The following KLHL32 variants were observed in gnomAD, a reference collection of about 807,000 sequenced individuals.
KLHL32 encodes the protein kelch like family member 32.
Under a neutral mutation model 64.8 loss-of-function variants are expected in KLHL32, and 35 were observed. The observed-to-expected ratio is 0.54, with a 90% confidence interval of 0.41 to 0.72. KLHL32 has a LOEUF of 0.72. KLHL32 is among the 30% of genes least tolerant of loss of function. The pLI, the probability that KLHL32 is intolerant of heterozygous loss-of-function variation, is 0.00. For synonymous variants in KLHL32, 259 were observed against 281.0 expected, an observed-to-expected ratio of 0.92 and a Z score of 0.78; for missense variants, 589 against 768.5, an observed-to-expected ratio of 0.77 and a Z score of 2.76.
At chr6:96,961,204 T>G (rs1773842736) in intron 1 of KLHL32, among the ~76,000 whole-genome samples, 1 of 152,194 alleles carries the variant, frequency 6.6e-6, no homozygotes, top group South Asian at 2.1e-4. Context: ...TCAGCCACAT[T>G]ATATAGGGTT....
rs750242567 is a variant in KLHL32 at position 97,055,796 on chromosome 6, T to TAAAAAAAA, written c.313-8813_313-8806dup. On this transcript the variant is annotated intron_variant, in intron 4 of 10. Coordinates refer to ENST00000369261, the MANE Select transcript of KLHL32 (RefSeq NM_052904.4). ...CGAGGTAACAGACTGAGAACCTGTC[T>TAAAAAAAA]AAAAAAAAAAAAAAAAAAAAAAAAA... Among the ~76,000 whole-genome samples the TAAAAAAAA allele has an allele frequency of 3.0e-3, 241 of 81,000 alleles. 43 individuals are homozygous for TAAAAAAAA. The highest frequency in any genetic ancestry group is 4.4e-3 in the African/African-American group (113 of 25,728). The allele number at this position is 81,000 out of a possible 152,430, so 53.1% of individuals were successfully genotyped here. A position where few individuals can be genotyped will look rare whatever the true frequency, so the allele number is the denominator to read the frequency against.
intron 7 of KLHL32, among the ~76,000 whole-genome samples, chr6:97,121,620 G>C (rs748966147): frequency 1.3e-5 from 2 of 152,022 alleles, no homozygotes; most frequent in African/African-American, 4.8e-5. Flanking sequence ...TTTAAAATTG[G>C]TGTTGTAAAG....
chr6:97,036,983 C>T (rs866610809), intron 3 of KLHL32, among the ~76,000 whole-genome samples: 1 of 152,116 alleles, frequency 6.6e-6, no homozygotes, highest in African/African-American at 2.4e-5. Context: ...TGTGGAACAT[C>T]CTCAGTTCTA....
chr6:96,907,357 A>G, the KLHL32 span, among the ~76,000 whole-genome samples: 1 of 152,196 alleles, frequency 6.6e-6, no homozygotes, highest in Non-Finnish European at 1.5e-5. Context: ...GATACATCTT[A>G]TTATTCTAAG....
In KLHL32 at chr6:96,924,770, C is replaced by A. The variant is rs1768924804; in HGVS notation, c.-322C>A. ...TTCCCCGCGCGACAGTTCGGGAGCG[C>A]GCAGGCAGTCGCGCGCACACACGCA... On this transcript the variant is annotated 5_prime_UTR_variant, in exon 1 of 11. Transcript: ENST00000369261. 6.6e-6 allele frequency: 1 copy of A among 152,258 alleles called. No individual in the cohort carries two copies. Among genetic ancestry groups the A allele is most frequent in the East Asian group, 2.0e-4 (1 of 5,086 alleles). The allele number at this position is 152,258 out of a possible 1,614,324, so 9.4% of individuals were successfully genotyped here.
intron 6 of KLHL32, among the ~76,000 whole-genome samples, chr6:97,086,863 A>G (rs116461775): frequency 0.013 from 1,912 of 152,308 alleles, 48 homozygotes; most frequent in African/African-American, 0.044. Context: ...CCCAAGGGAA[A>G]AAGAAAGATT....
intron 10 of KLHL32, among the ~76,000 whole-genome samples, chr6:97,138,734 C>CT (rs1439284975): frequency 1.3e-5 from 2 of 152,094 alleles, no homozygotes; most frequent in Non-Finnish European, 2.9e-5. Flanking sequence ...GCTGCAAGGT[C>CT]TTGTTTTCTT....
chr6:97,128,658 A>G (rs1799120028), intron 8 of KLHL32, among the ~76,000 whole-genome samples: 1 of 152,176 alleles, frequency 6.6e-6, no homozygotes, highest in Admixed American at 6.5e-5. Flanking sequence ...CACAGAGCAC[A>G]TTGCTACCTG....
At chr6:97,014,162 T>C (rs946101184) in intron 3 of KLHL32, among the ~76,000 whole-genome samples, 3 of 152,072 alleles carry the variant, frequency 2.0e-5, no homozygotes, top group Non-Finnish European at 2.9e-5. Flanking sequence ...GGCGTTGTGG[T>C]GGGCGCCTGT....
chr6:97,103,859 G>A (rs1796070651), intron 6 of KLHL32, among the ~76,000 whole-genome samples: 1 of 152,122 alleles, frequency 6.6e-6, no homozygotes, highest in African/African-American at 2.4e-5. Flanking sequence ...ATTAATTTTG[G>A]TTGCCTCTAC....
intron 4 of KLHL32, among the ~76,000 whole-genome samples, chr6:97,045,251 A>G (rs1204002467): frequency 6.6e-6 from 1 of 152,236 alleles, no homozygotes; most frequent in Non-Finnish European, 1.5e-5. Context: ...AAGGCAGGCC[A>G]TTATCATTCA....
intron 3 of KLHL32, among the ~76,000 whole-genome samples, chr6:96,988,671 A>G (rs1415406793): frequency 1.3e-5 from 2 of 152,282 alleles, no homozygotes; most frequent in Non-Finnish European, 2.9e-5. Flanking sequence ...TTATTGCAGC[A>G]CTATTCACAA....
chr6:96,949,547 G>C (rs1379207406), intron 1 of KLHL32, among the ~76,000 whole-genome samples: 1 of 151,864 alleles, frequency 6.6e-6, no homozygotes, highest in African/African-American at 2.4e-5. Flanking sequence ...TTTTATTTTT[G>C]TAAAAATTGT....
At chr6:96,976,548 T>G (rs1775713082) in intron 3 of KLHL32, among the ~76,000 whole-genome samples, 1 of 152,156 alleles carries the variant, frequency 6.6e-6, no homozygotes. Context: ...AATTTAAAAG[T>G]CTTTAAGTAT....
At chr6:96,978,264 T>A (rs1314778792) in intron 3 of KLHL32, among the ~76,000 whole-genome samples, 2 of 152,132 alleles carry the variant, frequency 1.3e-5, no homozygotes, top group African/African-American at 2.4e-5. Flanking sequence ...TAATACTCAA[T>A]AGCTAGTTTT....
At chr6:97,112,574 G>A (rs1797287208) in intron 6 of KLHL32, among the ~76,000 whole-genome samples, 2 of 151,798 alleles carry the variant, frequency 1.3e-5, no homozygotes, top group African/African-American at 2.4e-5. Flanking sequence ...AGCCTCCCGA[G>A]TAGCTGGGAC....
chr6:97,018,454 G>T (rs1024917429), intron 3 of KLHL32, among the ~76,000 whole-genome samples: 3 of 151,120 alleles, frequency 2.0e-5, no homozygotes, highest in African/African-American at 7.3e-5. Flanking sequence ...TTATCTGGGC[G>T]TGTTGGCGCA....
intron 1 of KLHL32, among the ~76,000 whole-genome samples, chr6:96,941,096 C>T (rs562271535): frequency 6.6e-6 from 1 of 152,238 alleles, no homozygotes; most frequent in East Asian, 1.9e-4. Flanking sequence ...TTATTTCTTC[C>T]TTTGTACTTT....
intron 3 of KLHL32, chr6:96,999,681 AT>A (rs1778804712): frequency 4.8e-6 from 1 of 209,124 alleles, no homozygotes; most frequent in Non-Finnish European, 8.3e-6. Context: ...TTGAATTTTA[AT>A]TTTTTAGATT....
Sources: allele counts gnomAD v4.1 joint callset (sites outside exome capture counted in the v4.1 genomes callset), GRCh38; gene constraint gnomAD v4.1.1; transcripts MANE v1.5; gene names NCBI Gene and HGNC (gene_info 2026-07-23, HGNC 2026-07-21).